Variants in HDAC4 observed in about 807,000 individuals in gnomAD.
HDAC4 encodes histone deacetylase A.
A neutral mutation model predicts 135.1 loss-of-function variants in HDAC4; 16 were observed. That is an observed-to-expected ratio of 0.12 (90% confidence interval 0.08 to 0.18). The LOEUF (loss-of-function observed/expected upper bound fraction) is 0.18, where lower values mean the gene tolerates loss of function less well. HDAC4 is among the 10% of genes least tolerant of loss of function. The probability of loss-of-function intolerance (pLI) is 1.00; values close to 1 mark genes in which losing one functional copy is unlikely to be tolerated. For synonymous variants in HDAC4, 685 were observed against 653.4 expected, an observed-to-expected ratio of 1.05 and a Z score of -0.74; for missense variants, 1,143 against 1,511.8, an observed-to-expected ratio of 0.76 and a Z score of 4.05.
chr2:239,297,188 G>A, intron 2 of HDAC4, among the ~76,000 whole-genome samples: 1 of 152,182 alleles, frequency 6.6e-6, no homozygotes, highest in East Asian at 1.9e-4. Flanking sequence ...TGAAGACAAG[G>A]CAATCACAAA....
rs1319508697 is a variant in HDAC4, at chr2:239,139,560, C to G, written c.978+124G>C. 2.2e-6 allele frequency: 2 copies of G among 925,156 alleles called. No homozygotes were observed. The highest frequency in any genetic ancestry group is 3.6e-6 in the Non-Finnish European group (2 of 556,162). The allele number at this position is 925,156 out of a possible 1,614,324, so 57.3% of individuals were successfully genotyped here. On this transcript the variant is annotated intron_variant, in intron 9 of 26. Coordinates refer to ENST00000543185, the MANE Select transcript of HDAC4 (RefSeq NM_001378414.1). This position sits in a 1 kb window ranked among gnomAD's most constrained non-coding sequence, Gnocchi z 5.3. Reference sequence around the variant, plus strand: ...CCTTTTTAGGATGGCTCACAGGCCACTTTCCCTCACCCCAAATTGGAAGGT... The same window carrying G: ...CCTTTTTAGGATGGCTCACAGGCCAGTTTCCCTCACCCCAAATTGGAAGGT...
intron 13 of HDAC4, among the ~76,000 whole-genome samples, chr2:239,113,291 GAGA>G (rs542580018): frequency 5.1e-4 from 78 of 152,268 alleles, no homozygotes; most frequent in African/African-American, 1.7e-3. Context: ...GGAGGGAGCA[GAGA>G]AGAAGGAAGC....
intron 1 of HDAC4, among the ~76,000 whole-genome samples, chr2:239,377,862 C>G (rs1695132019): frequency 6.6e-6 from 1 of 152,158 alleles, no homozygotes; most frequent in Non-Finnish European, 1.5e-5. Context: ...CAGCTGCCGC[C>G]ACCTTCTGCT....
At chr2:239,112,491 A>G (rs3791416) in intron 13 of HDAC4, among the ~76,000 whole-genome samples, 103,213 of 152,134 alleles carry the variant, frequency 0.68, 35,014 homozygotes, top group South Asian at 0.77. Context: ...TTTGGGGCCT[A>G]GAGCAGGCCT....
chr2:239,185,554 G>A (rs2044494806), intron 4 of HDAC4, among the ~76,000 whole-genome samples: 1 of 152,038 alleles, frequency 6.6e-6, no homozygotes, highest in Non-Finnish European at 1.5e-5. Context: ...GGGGAGAGAT[G>A]CACCCTGAGG....
chr2:239,361,420 T>C (rs1693859987), intron 1 of HDAC4, among the ~76,000 whole-genome samples: 1 of 152,196 alleles, frequency 6.6e-6, no homozygotes, highest in East Asian at 1.9e-4. Context: ...GGACTCCCAA[T>C]GCCTCAGAGA....
chr2:239,194,277 C>T (rs1243635665), intron 3 of HDAC4, among the ~76,000 whole-genome samples: 1 of 152,222 alleles, frequency 6.6e-6, no homozygotes, highest in Admixed American at 6.5e-5. Flanking sequence ...ATTCCTAAGG[C>T]ATTCATTCTT....
chr2:239,093,732 G>A (rs1321783336), intron 17 of HDAC4, among the ~76,000 whole-genome samples: 2 of 152,168 alleles, frequency 1.3e-5, no homozygotes, highest in African/African-American at 4.8e-5. Flanking sequence ...CACTTGGGAG[G>A]GGCTGCTGGG....
intron 8 of HDAC4, among the ~76,000 whole-genome samples, chr2:239,143,675 C>T (rs757104467): frequency 2.0e-5 from 3 of 152,232 alleles, no homozygotes; most frequent in African/African-American, 4.8e-5. Flanking sequence ...GTAGGTCTGG[C>T]TCTCACCTCA....
chr2:239,193,424 T>G (rs532086871), intron 3 of HDAC4, among the ~76,000 whole-genome samples: 1 of 152,392 alleles, frequency 6.6e-6, no homozygotes, highest in East Asian at 1.9e-4. Context: ...TCATGGCTCC[T>G]GCTGTGTGCC....
intron 2 of HDAC4, among the ~76,000 whole-genome samples, chr2:239,341,382 T>A (rs1284620017): frequency 6.6e-6 from 1 of 152,226 alleles, no homozygotes; most frequent in East Asian, 1.9e-4. Context: ...CAGACCGGGA[T>A]GAGGAGACAG....
chr2:239,180,060 G>C lies in HDAC4; in HGVS notation c.340-3497C>G, dbSNP rs530487600. ...TGGCAAGGTGACGGGGGCAGGCGGT[G>C]TGTGTCCGGGAACATCTCCTGCATC... On this transcript the variant is annotated intron_variant, in intron 4 of 26. Transcript: ENST00000543185. Among the ~76,000 whole-genome samples, 27 of 152,334 alleles carry C rather than the reference G, an allele frequency of 1.8e-4. No individual in the cohort carries two copies. The East Asian group carries it at 5.0e-3, about 28-fold the overall frequency.
At chr2:239,219,577 C>G (rs2046836737) in intron 3 of HDAC4, among the ~76,000 whole-genome samples, 1 of 151,562 alleles carries the variant, frequency 6.6e-6, no homozygotes. Flanking sequence ...ATGTAACTAA[C>G]CTGCACATTG....
At chr2:239,330,240 C>T (rs954254022) in intron 2 of HDAC4, among the ~76,000 whole-genome samples, 1 of 152,282 alleles carries the variant, frequency 6.6e-6, no homozygotes, top group African/African-American at 2.4e-5. Flanking sequence ...AGTGGCCCAA[C>T]TGCCAGCTTT....
intron 5 of HDAC4, among the ~76,000 whole-genome samples, chr2:239,164,376 C>T (rs1001449007): frequency 6.6e-6 from 1 of 152,364 alleles, no homozygotes; most frequent in Admixed American, 6.5e-5. Flanking sequence ...TCTACACCTG[C>T]GCCGACATGA....
chr2:239,162,417 C>G (rs2042863119), intron 6 of HDAC4: 4 of 444,706 alleles, frequency 9.0e-6, no homozygotes, highest in South Asian at 1.6e-5. Context: ...ACACTCCTGT[C>G]CCTTGCTCCT....
chr2:239,288,982 G>T (rs1325167147), intron 2 of HDAC4, among the ~76,000 whole-genome samples: 1 of 152,212 alleles, frequency 6.6e-6, no homozygotes, highest in Non-Finnish European at 1.5e-5. Flanking sequence ...TGCAGGGAGG[G>T]GGCTGAGACA....
At chr2:239,066,644 G>A in intron 24 of HDAC4, 78 bp downstream of exon 24, 1 of 1,601,882 alleles carries the variant, frequency 6.2e-7, no homozygotes, top group Non-Finnish European at 8.5e-7. Flanking sequence ...TTCATGCTCT[G>A]GGGCTCTCGG....
chr2:239,081,991 G>A (rs1053986198), intron 21 of HDAC4, 111 bp downstream of exon 21: 32 of 1,183,076 alleles, frequency 2.7e-5, no homozygotes, highest in Non-Finnish European at 3.5e-5. Flanking sequence ...AAGTGAGCAC[G>A]AAGGCCGCAC....
Sources: allele counts gnomAD v4.1 joint callset (sites outside exome capture counted in the v4.1 genomes callset), GRCh38; gene constraint gnomAD v4.1.1; non-coding constraint Gnocchi (gnomAD v3.1); transcripts MANE v1.5; gene names NCBI Gene and HGNC (gene_info 2026-07-23, HGNC 2026-07-21).